IL1RAPL1: variants seen among roughly 807,000 people sequenced by gnomAD.
IL1RAPL1 encodes the protein interleukin 1 receptor accessory protein like 1.
Under a neutral mutation model 48.4 loss-of-function variants are expected in IL1RAPL1, and 3 were observed. The ratio of observed to expected loss-of-function variants is 0.06; its 90% CI spans 0.03 to 0.16. IL1RAPL1 has a LOEUF of 0.16. Ranked by LOEUF, IL1RAPL1 falls within the 10% of genes least tolerant of loss-of-function variation. The probability of loss-of-function intolerance (pLI) is 1.00; values close to 1 mark genes in which losing one functional copy is unlikely to be tolerated. For missense variants in IL1RAPL1, 349 were observed against 530.6 expected (o/e 0.66, Z 3.36); for synonymous variants, 185 against 187.7 (o/e 0.99, Z 0.12).
chrX:29,661,057 G>A (rs1444786125), intron 5 of IL1RAPL1, among the ~76,000 whole-genome samples: 1 of 111,401 alleles, frequency 9.0e-6, no homozygotes, highest in Non-Finnish European at 1.9e-5. Context: ...TCATCTCCTT[G>A]GTTAAACTTA....
intron 3 of IL1RAPL1, among the ~76,000 whole-genome samples, chrX:29,325,801 T>A (rs1377286414): frequency 2.7e-5 from 3 of 111,956 alleles, no homozygotes; most frequent in Non-Finnish European, 3.8e-5. Context: ...CTGCTACTAG[T>A]GAGGGCCTCA....
rs1422826725 is a variant in IL1RAPL1 at position 29,956,012 on chromosome X, T to A, written c.*192T>A. The A allele has an allele frequency of 1.8e-5, 8 of 435,921 alleles. No homozygotes were observed. In the Admixed American group the frequency reaches 2.8e-4, roughly 15 times the overall value. 35.9% of individuals were successfully genotyped at this position (435,921 alleles called of 1,213,427 possible). A position where few individuals can be genotyped will look rare whatever the true frequency, so the allele number is the denominator to read the frequency against. Reference sequence around the variant, plus strand: ...ATCAGTGTCCTCCTGTTTTACCATGTCTTTTACCATTACATTTTTTGACTT... The same window carrying A: ...ATCAGTGTCCTCCTGTTTTACCATGACTTTTACCATTACATTTTTTGACTT... On this transcript the variant is annotated 3_prime_UTR_variant, in exon 11 of 11. Transcript: ENST00000378993.
chrX:29,933,433 T>C (rs1448202148), intron 8 of IL1RAPL1, among the ~76,000 whole-genome samples: 1 of 111,650 alleles, frequency 9.0e-6, no homozygotes, highest in Admixed American at 9.6e-5. Flanking sequence ...ATTAATGCTA[T>C]AATTATACCT....
chrX:29,222,015 C>CA (rs761229753), intron 2 of IL1RAPL1, among the ~76,000 whole-genome samples: 1,364 of 65,350 alleles, frequency 0.021, 32 homozygotes, highest in Middle Eastern at 0.064. Context: ...GAGATTCCGT[C>CA]AAAAAAAAAA....
intron 2 of IL1RAPL1, among the ~76,000 whole-genome samples, chrX:29,004,575 T>C (rs1925931669): frequency 8.9e-6 from 1 of 112,497 alleles, no homozygotes; most frequent in Admixed American, 9.4e-5. Context: ...GAATACTGCA[T>C]AGAGGGAAGA....
chrX:29,918,144 A>AAAAAAAAAT (rs1555935868), intron 7 of IL1RAPL1, among the ~76,000 whole-genome samples: 1 of 23,767 alleles, frequency 4.2e-5, no homozygotes, highest in Non-Finnish European at 6.6e-5. Context: ...AAAAAAAAAA[A>AAAAAAAAAT]ATATATATAT....
chrX:29,511,490 C>T (rs1389818193), intron 5 of IL1RAPL1, among the ~76,000 whole-genome samples: 1 of 111,785 alleles, frequency 8.9e-6, no homozygotes, highest in African/African-American at 3.2e-5. Context: ...ACAAAAATTT[C>T]TTTATACACA....
At chrX:29,749,177 G>A (rs1928401789) in intron 6 of IL1RAPL1, among the ~76,000 whole-genome samples, 1 of 111,398 alleles carries the variant, frequency 9.0e-6, no homozygotes, top group African/African-American at 3.3e-5. Context: ...CATGAAATAG[G>A]ATTTGGGCCT....
intron 1 of IL1RAPL1, among the ~76,000 whole-genome samples, chrX:28,646,565 T>C (rs769595934): frequency 9.0e-4 from 101 of 112,776 alleles, no homozygotes; most frequent in Middle Eastern, 4.6e-3. Flanking sequence ...ATTTGTTCAA[T>C]GCAATGTGGT....
chrX:29,858,782 T>C (rs750585821), intron 6 of IL1RAPL1, among the ~76,000 whole-genome samples: 2 of 110,759 alleles, frequency 1.8e-5, no homozygotes, highest in Non-Finnish European at 3.8e-5. Context: ...TGTTTTTTTT[T>C]AAATTTTGTT....
At chrX:29,727,081 A>G (rs1927791225) in intron 6 of IL1RAPL1, among the ~76,000 whole-genome samples, 1 of 111,816 alleles carries the variant, frequency 8.9e-6, no homozygotes. Context: ...TTTGGCGATG[A>G]TATCTGGTTA....
intron 2 of IL1RAPL1, among the ~76,000 whole-genome samples, chrX:28,950,753 C>T (rs1310276293): frequency 9.4e-6 from 1 of 106,044 alleles, no homozygotes; most frequent in Non-Finnish European, 1.9e-5. Flanking sequence ...ACCATTTGAC[C>T]CAGCCATCCC....
At position 29,397,034 on chromosome X, in the gene IL1RAPL1, C is replaced by T. The variant is rs1357906800; in HGVS notation, c.549+590C>T. Among the ~76,000 whole-genome samples the T allele has an allele frequency of 2.7e-4, 30 of 112,218 alleles. 1 individual carries two copies. The Admixed American group carries it at 2.9e-3, about 11-fold the overall frequency. On this transcript the variant is annotated intron_variant, in intron 4 of 10. Transcript: ENST00000378993. Reference sequence around the variant, plus strand: ...AAACTTAAACAGAATAATCCAACCTCTGACTTTCCTATCACCATCATTGAT... The same window carrying T: ...AAACTTAAACAGAATAATCCAACCTTTGACTTTCCTATCACCATCATTGAT...
At chrX:29,057,055 G>T in intron 2 of IL1RAPL1, among the ~76,000 whole-genome samples, 1 of 111,499 alleles carries the variant, frequency 9.0e-6, no homozygotes, top group African/African-American at 3.3e-5. Flanking sequence ...TTCTATCCTC[G>T]CAGCGGTGTG....
chrX:29,334,127 C>T (rs1378703989), intron 3 of IL1RAPL1, among the ~76,000 whole-genome samples: 1 of 82,191 alleles, frequency 1.2e-5, no homozygotes, highest in Non-Finnish European at 2.4e-5. Flanking sequence ...GAGGGGTCCT[C>T]ACTTCCTAGT....
chrX:29,568,146 T>A (rs886529672), intron 5 of IL1RAPL1, among the ~76,000 whole-genome samples: 7 of 92,852 alleles, frequency 7.5e-5, no homozygotes, highest in African/African-American at 3.1e-4. Context: ...CAGATTATTC[T>A]TGATTTAAAG....
intron 2 of IL1RAPL1, among the ~76,000 whole-genome samples, chrX:28,846,547 T>G (rs1921513459): frequency 9.0e-6 from 1 of 111,437 alleles, no homozygotes; most frequent in African/African-American, 3.3e-5. Flanking sequence ...CAAACTACAG[T>G]GAATAAAAGT....
intron 2 of IL1RAPL1, among the ~76,000 whole-genome samples, chrX:28,982,393 T>C (rs915630122): frequency 1.8e-5 from 2 of 112,144 alleles, no homozygotes; most frequent in Admixed American, 9.4e-5. Flanking sequence ...GGGATAATTA[T>C]AGTACCTTCC....
chrX:29,562,123 T>C (rs1251726292), intron 5 of IL1RAPL1, among the ~76,000 whole-genome samples: 3 of 51,205 alleles, frequency 5.9e-5, no homozygotes, highest in Admixed American at 4.8e-4. Flanking sequence ...CTAATCTATC[T>C]ATCTATCTAT....
Sources: gnomAD v4.1 joint callset for allele counts (sites outside exome capture counted in the v4.1 genomes callset) on GRCh38, gnomAD v4.1.1 for gene constraint, MANE v1.5 for transcripts, NCBI Gene and HGNC (gene_info 2026-07-23, HGNC 2026-07-21) for gene names.